The following GRID2 variants were observed in gnomAD, a reference collection of about 807,000 sequenced individuals.
GRID2 encodes the protein glutamate ionotropic receptor delta type subunit 2, also known as glutamate receptor ionotropic, delta-2.
In GRID2, 33 loss-of-function variants were observed where a neutral mutation model predicts 114.8. The ratio of observed to expected loss-of-function variants is 0.29; its 90% confidence interval spans 0.22 to 0.38. GRID2 has a LOEUF of 0.38. GRID2 is among the 10% of genes least tolerant of loss of function. GRID2 has a pLI of 1.00. For synonymous variants in GRID2, 505 were observed against 449.9 expected (o/e 1.12, Z -1.55); for missense variants, 1,184 against 1,257.7 (o/e 0.94, Z 0.89).
At chr4:93,086,465 T>G (rs896799516) in intron 3 of GRID2, among the ~76,000 whole-genome samples, 1 of 152,144 alleles carries the variant, frequency 6.6e-6, no homozygotes, top group Non-Finnish European at 1.5e-5. Context: ...AAAGAGCTCC[T>G]GTGGACTCTC....
At chr4:92,951,867 T>G (rs1752067102) in intron 2 of GRID2, among the ~76,000 whole-genome samples, 2 of 152,208 alleles carry the variant, frequency 1.3e-5, no homozygotes, top group African/African-American at 4.8e-5. Context: ...CAATCTTTTA[T>G]TAATCTTTTA....
chr4:93,717,993 C>A (rs535360549), intron 14 of GRID2, among the ~76,000 whole-genome samples: 3 of 152,282 alleles, frequency 2.0e-5, no homozygotes, highest in Non-Finnish European at 2.9e-5. Flanking sequence ...CGGTGACTTA[C>A]GCCTGTAATC....
chr4:93,316,530 C>G (rs778712551), intron 8 of GRID2, among the ~76,000 whole-genome samples: 1 of 152,126 alleles, frequency 6.6e-6, no homozygotes, highest in African/African-American at 2.4e-5. Flanking sequence ...TCATTTTACC[C>G]TGCTCCTTTC....
intron 2 of GRID2, among the ~76,000 whole-genome samples, chr4:92,597,079 A>G (rs1176078472): frequency 6.6e-6 from 1 of 152,014 alleles, no homozygotes; most frequent in African/African-American, 2.4e-5. Flanking sequence ...TACGATCATT[A>G]TACCAAATTT....
chr4:93,245,576 ATTTGTACTTTTAAGATTATTG>A (rs1748113613), intron 8 of GRID2, among the ~76,000 whole-genome samples: 1 of 152,202 alleles, frequency 6.6e-6, no homozygotes, highest in Non-Finnish European at 1.5e-5. Context: ...GACCATTAGT[ATTTGTACTTTTAAGATTATTG>A]TCTCACAGCG....
intron 1 of GRID2, among the ~76,000 whole-genome samples, chr4:92,358,273 G>A (rs777914957): frequency 6.6e-6 from 1 of 151,958 alleles, no homozygotes; most frequent in Non-Finnish European, 1.5e-5. Context: ...GAATTACATG[G>A]TTGCATCTGT....
intron 14 of GRID2, among the ~76,000 whole-genome samples, chr4:93,665,777 CTTTG>C (rs1723897966): frequency 6.6e-6 from 1 of 152,114 alleles, no homozygotes; most frequent in African/African-American, 2.4e-5. Context: ...ACCTAACACC[CTTTG>C]TTTGTGTTAC....
intron 1 of GRID2, among the ~76,000 whole-genome samples, chr4:92,515,913 A>G (rs181645024): frequency 1.3e-5 from 2 of 152,086 alleles, no homozygotes; most frequent in East Asian, 3.9e-4. Context: ...TTTTACATAG[A>G]AAGTAGATTT....
intron 11 of GRID2, among the ~76,000 whole-genome samples, chr4:93,477,523 G>A (rs1725433628): frequency 6.6e-6 from 1 of 152,056 alleles, no homozygotes; most frequent in Admixed American, 6.6e-5. Context: ...ATATTTAGAA[G>A]CTTGTTTAGA....
intron 5 of GRID2, among the ~76,000 whole-genome samples, chr4:93,208,302 A>G (rs940180478): frequency 1.3e-5 from 2 of 151,984 alleles, no homozygotes; most frequent in African/African-American, 4.8e-5. Context: ...CTGGCTATAA[A>G]ACTTGGTAGC....
intron 1 of GRID2, among the ~76,000 whole-genome samples, chr4:92,557,220 A>T (rs1426483941): frequency 6.6e-6 from 1 of 152,020 alleles, no homozygotes; most frequent in African/African-American, 2.4e-5. Flanking sequence ...GCAAAAATTC[A>T]TTTGTTTCCT....
At chr4:92,926,480 T>TATATATAATAAAATCAATAAA in intron 2 of GRID2, among the ~76,000 whole-genome samples, 1 of 152,112 alleles carries the variant, frequency 6.6e-6, no homozygotes, top group East Asian at 1.9e-4. Context: ...TCACATATTC[T>TATATATAATAAAATCAATAAA]TTGATTTTTA....
intron 3 of GRID2, among the ~76,000 whole-genome samples, chr4:93,094,313 T>C (rs566028592): frequency 2.0e-5 from 3 of 152,094 alleles, no homozygotes; most frequent in Non-Finnish European, 4.4e-5. Context: ...GCCTGCTTTT[T>C]GATTTGCTAT....
intron 2 of GRID2, among the ~76,000 whole-genome samples, chr4:92,799,251 T>C (rs75184597): frequency 0.057 from 8,728 of 151,956 alleles, 417 homozygotes; most frequent in African/African-American, 0.12. Context: ...TAGATCCTTC[T>C]CATGCACAGT....
chr4:92,820,861 A>G (rs1295586263), intron 2 of GRID2, among the ~76,000 whole-genome samples: 1 of 152,088 alleles, frequency 6.6e-6, no homozygotes, highest in Non-Finnish European at 1.5e-5. Flanking sequence ...CAAAATTCCT[A>G]TTCTCTTGTA....
intron 14 of GRID2, among the ~76,000 whole-genome samples, chr4:93,698,601 C>T (rs532355672): frequency 3.3e-5 from 5 of 152,044 alleles, no homozygotes; most frequent in African/African-American, 1.2e-4. Flanking sequence ...AAAAATTATG[C>T]TTAAAGATTA....
At chr4:92,440,816 C>G (rs1342640297) in intron 1 of GRID2, among the ~76,000 whole-genome samples, 1 of 151,844 alleles carries the variant, frequency 6.6e-6, no homozygotes, top group Non-Finnish European at 1.5e-5. Context: ...TTATGGGGGT[C>G]AAGTGTGGTA....
intron 1 of GRID2, among the ~76,000 whole-genome samples, chr4:92,543,981 A>T (rs1015354125): frequency 2.0e-5 from 3 of 152,188 alleles, no homozygotes; most frequent in Non-Finnish European, 4.4e-5. Flanking sequence ...TCATGTTGGT[A>T]GCTTGACAAA....
chr4:93,464,341 T>G (rs1384587033), intron 11 of GRID2, among the ~76,000 whole-genome samples: 1 of 152,196 alleles, frequency 6.6e-6, no homozygotes, highest in Non-Finnish European at 1.5e-5. Flanking sequence ...CTATATTTTT[T>G]AAAGCATGGG....
Sources: allele counts gnomAD v4.1 joint callset (sites outside exome capture counted in the v4.1 genomes callset), GRCh38; gene constraint gnomAD v4.1.1; transcripts MANE v1.5; gene names NCBI Gene and HGNC (gene_info 2026-07-23, HGNC 2026-07-21).